CTNNBIP1: variants seen among roughly 807,000 people sequenced by gnomAD.
CTNNBIP1 encodes the protein catenin beta interacting protein 1.
In CTNNBIP1, 7 loss-of-function variants were observed where a neutral mutation model predicts 11.8. That is an observed-to-expected ratio of 0.60 (90% CI 0.34 to 1.12). The LOEUF (loss-of-function observed/expected upper bound fraction) is 1.12, where lower values mean the gene tolerates loss of function less well. Ranked by LOEUF, CTNNBIP1 falls within the 50% of genes most tolerant of loss-of-function variation. The pLI, the probability that CTNNBIP1 is intolerant of heterozygous loss-of-function variation, is 0.03. For synonymous variants in CTNNBIP1, 58 were observed against 43.9 expected (o/e 1.32, Z -1.26); for missense variants, 101 against 113.4 (o/e 0.89, Z 0.50).
At position 9,872,969 on chromosome 1, in the gene CTNNBIP1, G is replaced by A. The variant is rs1277593697; in HGVS notation, c.-24-881C>T. On this transcript the variant is annotated intron_variant, in intron 3 of 5. Coordinates refer to ENST00000377263, the MANE Select transcript of CTNNBIP1 (RefSeq NM_020248.3). This position sits in a 1 kb window ranked among gnomAD's most constrained non-coding sequence, Gnocchi z 4.0. Reference sequence around the variant, plus strand: ...ATCAGCCCTGGTGCCAAGGAACTGCGCTCGGAGAACCACGGAACCAAGCTG... The same window carrying A: ...ATCAGCCCTGGTGCCAAGGAACTGCACTCGGAGAACCACGGAACCAAGCTG... Among the ~76,000 whole-genome samples, 2 of 152,200 alleles carry A rather than the reference G, an allele frequency of 1.3e-5. No individual in the cohort carries two copies. Among genetic ancestry groups the A allele is most frequent in the East Asian group, 1.9e-4 (1 of 5,168 alleles).
chr1:9,889,533 T>C (rs139223609), intron 1 of CTNNBIP1, among the ~76,000 whole-genome samples: 2 of 152,286 alleles, frequency 1.3e-5, no homozygotes, highest in Non-Finnish European at 2.9e-5. Context: ...CTTCCCTCCC[T>C]GATTCCTGAG....
At chr1:9,864,913 T>G (rs1638711982) in intron 5 of CTNNBIP1, among the ~76,000 whole-genome samples, 1 of 152,204 alleles carries the variant, frequency 6.6e-6, no homozygotes, top group South Asian at 2.1e-4. Context: ...GTTCCTCAAG[T>G]AAACACTGTC....
chr1:9,865,855 G>A (rs1001638412), intron 5 of CTNNBIP1, among the ~76,000 whole-genome samples: 1 of 152,124 alleles, frequency 6.6e-6, no homozygotes, highest in Non-Finnish European at 1.5e-5. Context: ...CTACGCATTA[G>A]AGGGAGCCAC....
Position 9,850,722 on chromosome 1 carries a change from T to C in CTNNBIP1, c.242A>G (p.Gln81Arg). The change falls in exon 6 of 6, where the codon CAG becomes CGG. Residue 81 changes from glutamine (Q) to arginine (R), a missense_variant. Physicochemically the swap from Gln to Arg is conservative, Grantham distance 43. Transcript: ENST00000377263. ...GGTGTTCCAAGGGCTTTGCAGCTACTGCCTCCGGTCTTCCGTCTCCGACCT... is the reference window on the plus strand; with the variant it reads ...GGTGTTCCAAGGGCTTTGCAGCTACCGCCTCCGGTCTTCCGTCTCCGACCT... ...FSRSETEDRR[Q>R] The C allele has an allele frequency of 1.2e-6, 2 of 1,613,880 alleles. No individual in the cohort carries two copies. The highest frequency in any genetic ancestry group is 1.7e-6 in the Non-Finnish European group (2 of 1,179,804).
chr1:9,903,155 T>C (rs756670116), intron 1 of CTNNBIP1, among the ~76,000 whole-genome samples: 10 of 152,166 alleles, frequency 6.6e-5, no homozygotes, highest in Non-Finnish European at 1.5e-4. Context: ...AAATATTTGT[T>C]AATTGAATCA....
chr1:9,881,284 C>T (rs1639075924), intron 2 of CTNNBIP1, among the ~76,000 whole-genome samples: 1 of 151,742 alleles, frequency 6.6e-6, no homozygotes, highest in African/African-American at 2.4e-5. Context: ...ATCCTCCCAC[C>T]TCCGCCTCTT....
At position 9,857,296 on chromosome 1, in the gene CTNNBIP1, C is replaced by T. The variant is rs1043392778; in HGVS notation, c.188-6520G>A. On this transcript the variant is annotated intron_variant, in intron 5 of 5. Coordinates refer to ENST00000377263, the MANE Select transcript of CTNNBIP1 (RefSeq NM_020248.3). ...GAGATCAAGACCATCCTGGCTAACA[C>T]GGTGAAACCCTGTCTTTACTAAAAA... 1.1e-4 allele frequency among the ~76,000 whole-genome samples: 17 copies of T among 150,254 alleles called. No individual in the cohort carries two copies. The East Asian group carries it at 1.2e-3, about 11-fold the overall frequency.
At chr1:9,909,136 C>T (rs116341588) in intron 1 of CTNNBIP1, among the ~76,000 whole-genome samples, 48 of 152,320 alleles carry the variant, frequency 3.2e-4, no homozygotes, top group African/African-American at 1.0e-3. Context: ...AAGGCTCCTG[C>T]GAACAGAACT....
Position 9,848,474 on chromosome 1 carries a change from C to T in CTNNBIP1, c.*2244G>A, listed in dbSNP as rs1001005833. ...GACCACACACTCAACCAGGTATCCA[C>T]CAGGTGTGGGCCCTTTATAGGAGCT... is the stretch of plus-strand genomic sequence containing the variant. On this transcript the variant is annotated 3_prime_UTR_variant, in exon 6 of 6. Transcript: ENST00000377263. The surrounding 1 kb of genome is among the most constrained non-coding windows in gnomAD (Gnocchi z 4.3). 8.5e-5 allele frequency: 13 copies of T among 152,192 alleles called. No individual in the cohort carries two copies. The highest frequency in any genetic ancestry group is 5.9e-4 in the Admixed American group (9 of 15,286). 9.4% of individuals were successfully genotyped at this position (152,192 alleles called of 1,614,324 possible).
intron 1 of CTNNBIP1, among the ~76,000 whole-genome samples, chr1:9,908,135 C>A (rs935482128): frequency 1.3e-5 from 2 of 149,926 alleles, no homozygotes; most frequent in East Asian, 4.0e-4. Flanking sequence ...CTCGGCTCAC[C>A]GCAACCTCCG....
chr1:9,895,851 C>T (rs1397524885), intron 1 of CTNNBIP1, among the ~76,000 whole-genome samples: 3 of 152,086 alleles, frequency 2.0e-5, no homozygotes, highest in African/African-American at 4.8e-5. Flanking sequence ...TGGTCTTGAA[C>T]TCCTGGCCTC....
intron 1 of CTNNBIP1, among the ~76,000 whole-genome samples, chr1:9,897,808 G>A (rs916413050): frequency 1.4e-4 from 21 of 151,998 alleles, no homozygotes; most frequent in African/African-American, 5.1e-4. Flanking sequence ...GTGAGACTCC[G>A]TCTCAAAAAA....
At chr1:9,864,723 A>G (rs1249221538) in intron 5 of CTNNBIP1, among the ~76,000 whole-genome samples, 1 of 152,258 alleles carries the variant, frequency 6.6e-6, no homozygotes, top group African/African-American at 2.4e-5. Context: ...GAGGCCTGGA[A>G]CTGTACTTGC....
intron 3 of CTNNBIP1, among the ~76,000 whole-genome samples, chr1:9,876,951 T>A (rs1429733274): frequency 1.3e-5 from 2 of 151,698 alleles, no homozygotes; most frequent in Non-Finnish European, 2.9e-5. Context: ...GGTGAGGAAG[T>A]GGCTCCTGAC....
At chr1:9,855,589 A>C (rs1638484326) in intron 5 of CTNNBIP1, among the ~76,000 whole-genome samples, 1 of 152,188 alleles carries the variant, frequency 6.6e-6, no homozygotes, top group Admixed American at 6.5e-5. Context: ...GCACAGGATG[A>C]AATTGGACTC....
chr1:9,888,778 A>G (rs1570589650), intron 1 of CTNNBIP1, among the ~76,000 whole-genome samples: 1 of 152,072 alleles, frequency 6.6e-6, no homozygotes, highest in Non-Finnish European at 1.5e-5. Flanking sequence ...AGTTTGCCCT[A>G]TGCACACTCC....
At chr1:9,878,762 G>C (rs149958509) in intron 2 of CTNNBIP1, among the ~76,000 whole-genome samples, 1 of 152,132 alleles carries the variant, frequency 6.6e-6, no homozygotes, top group Non-Finnish European at 1.5e-5. Flanking sequence ...TTGCCCACCC[G>C]CTCCAGCTGC....
intron 1 of CTNNBIP1, among the ~76,000 whole-genome samples, chr1:9,888,980 A>G (rs958236367): frequency 4.6e-5 from 7 of 152,208 alleles, no homozygotes; most frequent in Non-Finnish European, 8.8e-5. Flanking sequence ...TACCTACTGC[A>G]GGAAAGGTAC....
chr1:9,876,549 G>A (rs954689926), intron 3 of CTNNBIP1, among the ~76,000 whole-genome samples: 6 of 152,200 alleles, frequency 3.9e-5, no homozygotes, highest in South Asian at 2.1e-4. Context: ...CCTGGGAGGC[G>A]GCAGTTGCCT....
Sources: allele counts gnomAD v4.1 joint callset (sites outside exome capture counted in the v4.1 genomes callset), GRCh38; gene constraint gnomAD v4.1.1; non-coding constraint Gnocchi (gnomAD v3.1); transcripts MANE v1.5; gene names NCBI Gene and HGNC (gene_info 2026-07-23, HGNC 2026-07-21).